The following RAD52 variants were observed in gnomAD, a reference collection of about 807,000 sequenced individuals.
RAD52 encodes DNA repair protein RAD52 homolog.
Under a neutral mutation model 55.5 loss-of-function variants are expected in RAD52, and 47 were observed. The ratio of observed to expected loss-of-function variants is 0.85; its 90% CI spans 0.67 to 1.08. The LOEUF (loss-of-function observed/expected upper bound fraction) is 1.08, where lower values mean the gene tolerates loss of function less well. Ranked by LOEUF, RAD52 falls within the 50% of genes least tolerant of loss-of-function variation. The pLI, the probability that RAD52 is intolerant of heterozygous loss-of-function variation, is 0.00. For missense variants in RAD52, 468 were observed against 522.8 expected (o/e 0.90, Z 1.02); for synonymous variants, 184 against 198.9 (o/e 0.92, Z 0.63).
chr12:924,405 G>A (rs1050183147), intron 7 of RAD52, among the ~76,000 whole-genome samples: 43 of 152,048 alleles, frequency 2.8e-4, no homozygotes, highest in African/African-American at 8.7e-4. Flanking sequence ...GCGAGACTCC[G>A]TCTCAAAAAA....
intron 1 of RAD52, among the ~76,000 whole-genome samples, chr12:941,468 G>A (rs573864294): frequency 1.5e-4 from 23 of 151,378 alleles, no homozygotes; most frequent in Admixed American, 4.6e-4. Context: ...ACAGGCATGC[G>A]CCACCATGCC....
At chr12:971,025 CA>C (rs938396171) in intron 1 of RAD52, among the ~76,000 whole-genome samples, 1 of 152,086 alleles carries the variant, frequency 6.6e-6, no homozygotes, top group Admixed American at 6.6e-5. Context: ...CATATGTCAC[CA>C]TTTTTTTCCA....
At chr12:970,915 G>A (rs897272709) in intron 1 of RAD52, among the ~76,000 whole-genome samples, 14 of 149,948 alleles carry the variant, frequency 9.3e-5, no homozygotes, top group Admixed American at 2.7e-4. Context: ...AAATATATAC[G>A]TAGAGAGAGA....
At chr12:966,091 C>T (rs2154120954) in intron 1 of RAD52, among the ~76,000 whole-genome samples, 1 of 152,184 alleles carries the variant, frequency 6.6e-6, no homozygotes, top group African/African-American at 2.4e-5. Context: ...ATCCTCCCAA[C>T]TCAGCCTCTG....
chr12:913,381 T>A lies in RAD52; in HGVS notation c.*10A>T, dbSNP rs1181777351. ...TGTGACAGAGTCCAATTATGTGGCC[T>A]GAGCCTCAGTTAAGATGGATCATAT... On this transcript the variant is annotated 3_prime_UTR_variant, in exon 12 of 12. Transcript: ENST00000358495. 3 of 1,589,212 alleles carry A rather than the reference T, an allele frequency of 1.9e-6. No individual in the cohort carries two copies. The Admixed American group carries it at 5.1e-5, about 27-fold the overall frequency.
chr12:943,642 C>G (rs1397636530), intron 1 of RAD52, among the ~76,000 whole-genome samples: 1 of 152,160 alleles, frequency 6.6e-6, no homozygotes, highest in Non-Finnish European at 1.5e-5. Context: ...AGCCACCGCG[C>G]CTGGCCTATT....
chr12:973,876 C>T (rs1958903103), intron 1 of RAD52, among the ~76,000 whole-genome samples: 1 of 150,372 alleles, frequency 6.7e-6, no homozygotes, highest in South Asian at 2.1e-4. Context: ...AGCCTCAACT[C>T]CTGGGCTCAA....
At chr12:981,968 A>G (rs1592499402) in intron 1 of RAD52, among the ~76,000 whole-genome samples, 1 of 152,120 alleles carries the variant, frequency 6.6e-6, no homozygotes, top group Non-Finnish European at 1.5e-5. Context: ...GGTAGCAGCC[A>G]TGCCTCTGAG....
chr12:918,045 T>G (rs1592322142), intron 7 of RAD52, among the ~76,000 whole-genome samples: 1 of 152,144 alleles, frequency 6.6e-6, no homozygotes, highest in East Asian at 1.9e-4. Context: ...GGGTGTGAAT[T>G]AATACAACCA....
Position 983,169 on chromosome 12 carries a change from A to G in RAD52, c.-19+6640T>C, listed in dbSNP as rs983437201. Reference sequence around the variant, plus strand: ...ACGGCTCAATCAGGCTTTTTCCAGCACGCACCTCAAAACTCGTTCACTCTC... The same window carrying G: ...ACGGCTCAATCAGGCTTTTTCCAGCGCGCACCTCAAAACTCGTTCACTCTC... On this transcript the variant is annotated intron_variant, in intron 1 of 11. Transcript: ENST00000430095. 6.6e-4 allele frequency among the ~76,000 whole-genome samples: 101 copies of G among 152,124 alleles called. 2 individuals are homozygous for G. The highest frequency in any genetic ancestry group is 2.3e-3 in the African/African-American group (96 of 41,520).
chr12:914,066 AC>A lies in RAD52; in HGVS notation c.1022del (p.Gly341ValfsTer18). ...CTGCTCTAGACGAGGGCTTGACCACACCATCCCCTGCATCGGGAGTCACAGC... is the reference window on the plus strand; with the variant it reads ...CTGCTCTAGACGAGGGCTTGACCACACATCCCCTGCATCGGGAGTCACAGC... Reference protein sequence around the residue: ...KWAVTPDAGDGVVKPSSRADP... With the variant: ...KWAVTPDAGDXVVKPSSRADP... On this transcript the variant is annotated frameshift_variant, in exon 11 of 12. Transcript: ENST00000358495. LOFTEE classifies it high-confidence loss of function. 6.2e-7 allele frequency: 1 copy of A among 1,614,190 alleles called. No individual in the cohort carries two copies. Among genetic ancestry groups the A allele is most frequent in the Non-Finnish European group, 8.5e-7 (1 of 1,180,038 alleles).
In RAD52 at chr12:922,490, A is replaced by G. The variant is rs12308437; in HGVS notation, c.543+2960T>C. On this transcript the variant is annotated intron_variant, in intron 7 of 11. Transcript: ENST00000358495. ...GAAAGCAACCCAAATCCCCATCACC[A>G]AATGAATGCATAAACAAAATGTGGT... is the stretch of plus-strand genomic sequence containing the variant. Among the ~76,000 whole-genome samples the G allele has an allele frequency of 7.4e-3, 1,134 of 152,326 alleles. 12 individuals are homozygous for G. The highest frequency in any genetic ancestry group is 0.026 in the African/African-American group (1,077 of 41,578).
At chr12:939,867 G>A (rs1957830370) in intron 1 of RAD52, among the ~76,000 whole-genome samples, 2 of 152,134 alleles carry the variant, frequency 1.3e-5, no homozygotes, top group African/African-American at 2.4e-5. Flanking sequence ...ACGAGGTCAG[G>A]AGTTTGAGAC....
rs572843658 is a variant in RAD52 at position 926,801 on chromosome 12, C to T, written c.467+344G>A. 27 of 1,536,358 alleles carry T rather than the reference C, an allele frequency of 1.8e-5. No homozygotes were observed. The Admixed American group carries it at 3.7e-4, about 21-fold the overall frequency. ...AACTACGTTAACTATGCTACCTGTG[C>T]GTAGCGGAGGACTGCTGAGGAGCAC... On this transcript the variant is annotated intron_variant, in intron 6 of 11. Transcript: ENST00000358495.
rs949591112 is a variant in RAD52 at position 912,667 on chromosome 12, G to C, written c.*724C>G. 1 of 159,668 alleles carries C rather than the reference G, an allele frequency of 6.3e-6. No individual in the cohort carries two copies. The allele number at this position is 159,668 out of a possible 1,614,324, so 9.9% of individuals were successfully genotyped here. A position where few individuals can be genotyped will look rare whatever the true frequency, so the allele number is the denominator to read the frequency against. ...ACTTGGGCCCAAGAGGTTGTGGAGA[G>C]AGCTGTGTTTGCACCACTGAACTCC... On this transcript the variant is annotated 3_prime_UTR_variant, in exon 12 of 12. Transcript: ENST00000358495.
chr12:917,740 CTGAG>C (rs1169913232), intron 7 of RAD52, among the ~76,000 whole-genome samples: 1 of 146,366 alleles, frequency 6.8e-6, no homozygotes, highest in Admixed American at 7.0e-5. Flanking sequence ...GAAGGAACTC[CTGAG>C]TAACAGCCTG....
chr12:927,132 G>A lies in RAD52; in HGVS notation c.467+13C>T. On this transcript the variant is annotated intron_variant, in intron 6 of 11. Coordinates refer to ENST00000358495, the MANE Select transcript of RAD52 (RefSeq NM_134424.4). ...TGAAATGACGCAGGTTAGACTCCCA[G>A]CCCCGCGCTCACCTGAGGGCTCGCT... 6.2e-7 allele frequency: 1 copy of A among 1,608,120 alleles called. No homozygotes were observed. Among genetic ancestry groups the A allele is most frequent in the Non-Finnish European group, 8.5e-7 (1 of 1,174,816 alleles).
chr12:983,104 C>T (rs1959041191), intron 1 of RAD52, among the ~76,000 whole-genome samples: 1 of 152,104 alleles, frequency 6.6e-6, no homozygotes, highest in Non-Finnish European at 1.5e-5. Context: ...CCCGCCTCAG[C>T]CTCCCGAAGT....
intron 5 of RAD52, among the ~76,000 whole-genome samples, chr12:928,589 C>T (rs900787305): frequency 5.9e-5 from 9 of 151,468 alleles, no homozygotes; most frequent in African/African-American, 2.2e-4. Context: ...AAAGAAAAAA[C>T]AGCACCATCC....
Sources: allele counts gnomAD v4.1 joint callset (sites outside exome capture counted in the v4.1 genomes callset), GRCh38; gene constraint gnomAD v4.1.1; transcripts MANE v1.5; gene names NCBI Gene and HGNC (gene_info 2026-07-23, HGNC 2026-07-21).